ZNF487: variants seen among roughly 807,000 people sequenced by gnomAD.
ZNF487 encodes zinc finger protein 487.
In ZNF487, 4 loss-of-function variants were observed where a neutral mutation model predicts 3.0. That is an observed-to-expected ratio of 1.35 (90% CI 0.66 to 3.08). The LOEUF (loss-of-function observed/expected upper bound fraction) is 3.08, where lower values mean the gene tolerates loss of function less well. Among genes scored for constraint, ZNF487 ranks in the 30% most tolerant of loss-of-function variants. ZNF487 has a pLI of 0.01. For synonymous variants in ZNF487, 55 were observed against 34.6 expected (o/e 1.59, Z -2.06); for missense variants, 146 against 98.7 (o/e 1.48, Z -2.03).
chr10:43,439,679 G>A (rs533124527), intron 1 of ZNF487, among the ~76,000 whole-genome samples: 1 of 152,268 alleles, frequency 6.6e-6, no homozygotes, highest in South Asian at 2.1e-4. Flanking sequence ...ACTCTAGCCT[G>A]GGTGACAGAG....
the ZNF487 span, among the ~76,000 whole-genome samples, chr10:43,493,706 AAAAATATATATATATATAT>A: frequency 1.6e-5 from 1 of 61,440 alleles, no homozygotes; most frequent in Non-Finnish European, 3.3e-5. Context: ...AAAAAAAAAA[AAAAATATATATATATATAT>A]ATATATATAT....
the ZNF487 span, among the ~76,000 whole-genome samples, chr10:43,511,044 G>A: frequency 6.6e-6 from 1 of 152,188 alleles, no homozygotes; most frequent in Non-Finnish European, 1.5e-5. Context: ...AACACTAGGG[G>A]TGATGGTAAC....
chr10:43,462,214 G>A (rs1402754272), intron 1 of ZNF487, among the ~76,000 whole-genome samples: 1 of 151,976 alleles, frequency 6.6e-6, no homozygotes, highest in African/African-American at 2.4e-5. Flanking sequence ...GCAGTGGCAC[G>A]ACCCCAGATT....
intron 1 of ZNF487, among the ~76,000 whole-genome samples, chr10:43,443,121 G>A (rs956367082): frequency 2.9e-5 from 4 of 135,878 alleles, no homozygotes; most frequent in African/African-American, 8.4e-5. Flanking sequence ...GGAGTGCAAT[G>A]GCATGATCTC....
At chr10:43,519,835 T>C in the ZNF487 span, among the ~76,000 whole-genome samples, 2 of 152,154 alleles carry the variant, frequency 1.3e-5, no homozygotes, top group Admixed American at 6.5e-5. Flanking sequence ...TTTTCTCTGT[T>C]GCCCCAAACC....
chr10:43,466,380 GTTTTC>G (rs976253083), intron 1 of ZNF487, among the ~76,000 whole-genome samples: 9 of 150,438 alleles, frequency 6.0e-5, no homozygotes, highest in Admixed American at 1.3e-4. Flanking sequence ...CTGAATTTTT[GTTTTC>G]TTTTCTTTTT....
At chr10:43,465,561 C>T (rs1165050300) in intron 1 of ZNF487, among the ~76,000 whole-genome samples, 3 of 149,508 alleles carry the variant, frequency 2.0e-5, no homozygotes, top group Admixed American at 2.0e-4. Context: ...GGCGGCGGGG[C>T]AGAGGTGCTC....
At chr10:43,463,628 T>G (rs1840520648) in intron 1 of ZNF487, among the ~76,000 whole-genome samples, 1 of 151,626 alleles carries the variant, frequency 6.6e-6, no homozygotes, top group Non-Finnish European at 1.5e-5. Context: ...CAAGTGATCT[T>G]CCCATCCCAC....
intron 1 of ZNF487, among the ~76,000 whole-genome samples, chr10:43,439,073 C>T (rs187304377): frequency 6.6e-6 from 1 of 152,082 alleles, no homozygotes; most frequent in Non-Finnish European, 1.5e-5. Context: ...AACCTTGTCT[C>T]TACTAAAAGT....
chr10:43,508,705 G>A, the ZNF487 span, among the ~76,000 whole-genome samples: 1 of 152,078 alleles, frequency 6.6e-6, no homozygotes, highest in South Asian at 2.1e-4. Context: ...AACTAGCCAG[G>A]TGTAGTGGTG....
At position 43,481,902 on chromosome 10, in the gene ZNF487, T is replaced by C. The variant is rs1375966194; in HGVS notation, c.604T>C (p.Cys202Arg). The C allele has an allele frequency of 1.5e-6, 1 of 677,366 alleles. No homozygotes were observed. Among genetic ancestry groups the C allele is most frequent in the Non-Finnish European group, 2.7e-6 (1 of 374,816 alleles). 42.0% of individuals were successfully genotyped at this position (677,366 alleles called of 1,614,324 possible). A position where few individuals can be genotyped will look rare whatever the true frequency, so the allele number is the denominator to read the frequency against. The change falls in exon 4 of 4, where the codon TGC becomes CGC. Residue 202 changes from cysteine to arginine, a missense_variant. Cys to Arg is a radical substitution (Grantham distance 180). Coordinates refer to ENST00000437590, the MANE Select transcript of ZNF487 (RefSeq NM_001355444.3). ...AGCCTGCAGTACCCATAAGAGAGTG[T>C]GCTCATGGGAGACCCTGTGAATATA... The part of the protein sequence containing the change: ...EAACSTHKRV[C>R]SWETL
intron 3 of ZNF487, among the ~76,000 whole-genome samples, chr10:43,479,014 A>T (rs1434559751): frequency 6.7e-6 from 1 of 148,876 alleles, no homozygotes; most frequent in African/African-American, 2.5e-5. Context: ...TCTAACTTAG[A>T]TAAACAAAGA....
Position 43,482,468 on chromosome 10 carries a change from C to T in ZNF487, c.*546C>T. The T allele has an allele frequency of 2.1e-6, 1 of 470,606 alleles. No individual in the cohort carries two copies. Among genetic ancestry groups the T allele is most frequent in the Non-Finnish European group, 4.3e-6 (1 of 230,514 alleles). 29.2% of individuals were successfully genotyped at this position (470,606 alleles called of 1,614,324 possible). ...ATATAGGTCATGCCTTGCAGTACAT[C>T]AAAGAACACACACGGGACAAAACCT... On this transcript the variant is annotated 3_prime_UTR_variant, in exon 4 of 4. Transcript: ENST00000437590.
At chr10:43,499,299 C>T in the ZNF487 span, among the ~76,000 whole-genome samples, 1 of 151,974 alleles carries the variant, frequency 6.6e-6, no homozygotes, top group South Asian at 2.1e-4. Context: ...AAGCTGCACC[C>T]CTGACCAAAA....
At chr10:43,499,143 T>G in the ZNF487 span, among the ~76,000 whole-genome samples, 2 of 152,126 alleles carry the variant, frequency 1.3e-5, no homozygotes, top group Non-Finnish European at 2.9e-5. Context: ...GAACAAATGC[T>G]AAAATAAGCA....
At chr10:43,494,962 G>A in the ZNF487 span, among the ~76,000 whole-genome samples, 2 of 150,120 alleles carry the variant, frequency 1.3e-5, no homozygotes, top group Admixed American at 6.7e-5. Flanking sequence ...TCAGCACGCT[G>A]GAAGAAAATA....
intron 3 of ZNF487, 32 bp downstream of exon 3, chr10:43,476,234 C>T (rs1841097621): frequency 2.8e-6 from 2 of 704,368 alleles, no homozygotes; most frequent in African/African-American, 3.5e-5. Flanking sequence ...AAGCTATAAT[C>T]CCAGGGAGAA....
chr10:43,492,997 G>A, the ZNF487 span, among the ~76,000 whole-genome samples: 4 of 152,028 alleles, frequency 2.6e-5, no homozygotes, highest in African/African-American at 9.7e-5. Context: ...TTTGGAGGCC[G>A]AGGCAGGTGG....
chr10:43,477,393 C>T (rs971018953), intron 3 of ZNF487, among the ~76,000 whole-genome samples: 3 of 151,788 alleles, frequency 2.0e-5, no homozygotes, highest in Non-Finnish European at 4.4e-5. Context: ...TGGGGTTTTG[C>T]CATGTTGGCC....
Sources: gnomAD v4.1 joint callset for allele counts (sites outside exome capture counted in the v4.1 genomes callset) on GRCh38, gnomAD v4.1.1 for gene constraint, MANE v1.5 for transcripts, NCBI Gene and HGNC (gene_info 2026-07-23, HGNC 2026-07-21) for gene names.